Variants in RP1 observed in about 807,000 individuals in gnomAD.
RP1 encodes the protein RP1 axonemal microtubule associated, also known as oxygen-regulated protein 1.
In RP1, 16 loss-of-function variants were observed where a neutral mutation model predicts 14.8. The observed-to-expected ratio is 1.08, with a 90% confidence interval of 0.73 to 1.65. The LOEUF is 1.65. Among genes scored for constraint, RP1 ranks in the 40% most tolerant of loss-of-function variants. The pLI, the probability that RP1 is intolerant of heterozygous loss-of-function variation, is 0.00. For synonymous variants in RP1, 876 were observed against 883.6 expected (o/e 0.99, Z 0.15); for missense variants, 2,631 against 2,535.0 (o/e 1.04, Z -0.81).
chr8:54,779,659 C>T (rs993271004), intron 23 of RP1, among the ~76,000 whole-genome samples: 1 of 152,174 alleles, frequency 6.6e-6, no homozygotes, highest in Non-Finnish European at 1.5e-5. Flanking sequence ...ACCAAAATAA[C>T]TCAACCGTGC....
intron 2 of RP1, 142 bp downstream of exon 2, chr8:54,621,723 G>A (rs1243832473): frequency 3.2e-6 from 4 of 1,238,994 alleles, no homozygotes; most frequent in Non-Finnish European, 4.6e-6. Context: ...GTGCTCCGAT[G>A]CTGCCTTTGT....
intron 1 of RP1, among the ~76,000 whole-genome samples, chr8:54,570,049 A>G (rs1394367561): frequency 1.3e-5 from 2 of 152,166 alleles, no homozygotes; most frequent in African/African-American, 2.4e-5. Flanking sequence ...AAGCTACATC[A>G]CGAGCCCTGT....
chr8:54,648,007 C>T lies in RP1; in HGVS notation c.788-978C>T, dbSNP rs1806583212. Among the ~76,000 whole-genome samples the T allele has an allele frequency of 3.9e-5, 6 of 152,080 alleles. No homozygotes were observed. The South Asian group carries it at 1.2e-3, about 32-fold the overall frequency. Reference sequence around the variant, plus strand: ...GGGATGGTTTCCCCCATGCTATTCTCATGATAGTGAGTTCTCATGAGAGCT... The same window carrying T: ...GGGATGGTTTCCCCCATGCTATTCTTATGATAGTGAGTTCTCATGAGAGCT... On this transcript the variant is annotated intron_variant, in intron 3 of 22. Coordinates refer to the RP1 transcript ENST00000636932.
chr8:54,713,656 C>A (rs1366148373), intron 15 of RP1, among the ~76,000 whole-genome samples: 1 of 152,068 alleles, frequency 6.6e-6, no homozygotes, highest in Non-Finnish European at 1.5e-5. Flanking sequence ...AATATAAAAA[C>A]ACATGAAAGC....
Position 54,629,612 on chromosome 8 carries a change from G to A in RP1, c.5730G>A (p.Leu1910=). The change falls in exon 4 of 4, where the codon CTG becomes CTA. Residue 1910 remains leucine, a synonymous_variant. Transcript: ENST00000220676. ...TLQEADSLDK[L]YALCGQHCPI... is the part of the protein sequence containing the mutation. ...AGGAAGCTGACTCTTTGGATAAACTGTATGCTCTTTGTGGTCAACATTGCC... is the reference window on the plus strand; with the variant it reads ...AGGAAGCTGACTCTTTGGATAAACTATATGCTCTTTGTGGTCAACATTGCC... The A allele has an allele frequency of 6.2e-7, 1 of 1,613,926 alleles. No individual in the cohort carries two copies. The highest frequency in any genetic ancestry group is 8.5e-7 in the Non-Finnish European group (1 of 1,179,986).
chr8:54,712,286 G>A (rs1004580278), intron 15 of RP1, among the ~76,000 whole-genome samples: 5 of 152,146 alleles, frequency 3.3e-5, no homozygotes, highest in South Asian at 2.1e-4. Context: ...CTGGGAGACC[G>A]TCCTGCTTCC....
chr8:54,601,547 A>C (rs151171655), intron 1 of RP1, among the ~76,000 whole-genome samples: 2 of 148,840 alleles, frequency 1.3e-5, no homozygotes, highest in African/African-American at 5.0e-5. Flanking sequence ...CATTGTGCAC[A>C]TGTATCCTAA....
At chr8:54,588,604 G>A (rs1017512190) in intron 1 of RP1, among the ~76,000 whole-genome samples, 5 of 152,180 alleles carry the variant, frequency 3.3e-5, no homozygotes, top group African/African-American at 9.7e-5. Context: ...TATAATCATC[G>A]TGTCAGGTCA....
At chr8:54,646,421 G>A (rs997227819) in intron 3 of RP1, among the ~76,000 whole-genome samples, 3 of 151,916 alleles carry the variant, frequency 2.0e-5, no homozygotes, top group Non-Finnish European at 4.4e-5. Flanking sequence ...CTCTTTTGGT[G>A]TGTTGGCCTA....
chr8:54,706,794 G>GGCA, intron 15 of RP1: 1 of 829,018 alleles, frequency 1.2e-6, no homozygotes, highest in Admixed American at 2.3e-5. Flanking sequence ...TTTTTAATAA[G>GGCA]TGAGGAGAGC....
At chr8:54,766,439 T>C (rs1359859343) in intron 22 of RP1, among the ~76,000 whole-genome samples, 2 of 152,188 alleles carry the variant, frequency 1.3e-5, no homozygotes, top group African/African-American at 4.8e-5. Flanking sequence ...TGCAGATTTC[T>C]GTGCTCTTCT....
intron 23 of RP1, among the ~76,000 whole-genome samples, chr8:54,781,855 C>T (rs780777913): frequency 2.0e-5 from 3 of 152,116 alleles, no homozygotes; most frequent in Admixed American, 6.6e-5. Context: ...GTCATCGTGA[C>T]ATGCTAATTC....
intron 12 of RP1, chr8:54,697,112 A>T (rs978888306): frequency 6.6e-7 from 1 of 1,506,112 alleles, no homozygotes; most frequent in Non-Finnish European, 9.1e-7. Flanking sequence ...TGAACGCATC[A>T]ATCAGCTCAT....
chr8:54,607,320 G>T (rs1805474703), intron 1 of RP1, among the ~76,000 whole-genome samples: 1 of 152,162 alleles, frequency 6.6e-6, no homozygotes, highest in South Asian at 2.1e-4. Flanking sequence ...TCCAGACCCT[G>T]TTTGCCTGGG....
chr8:54,811,849 A>T (rs1811002549), intron 24 of RP1, among the ~76,000 whole-genome samples: 1 of 152,252 alleles, frequency 6.6e-6, no homozygotes, highest in Non-Finnish European at 1.5e-5. Flanking sequence ...CTGAAAGCTC[A>T]CTTACCGCAT....
rs761825453 is a variant in RP1 at position 54,628,797 on chromosome 8, G to A, written c.4915G>A (p.Ala1639Thr). Residue 1639 changes from alanine (A) to threonine (T), a missense_variant, in exon 4 of 4, where the codon GCA (alanine) becomes ACA (threonine). Ala to Thr is a moderately conservative substitution (Grantham distance 58). Coordinates refer to ENST00000220676, the MANE Select transcript of RP1 (RefSeq NM_006269.2). Reference sequence around the variant, plus strand: ...GGCAATAGAAAAACTGTACGGTAAAGCAGATATTATCAAACCATCTTTTTT... The same window carrying A: ...GGCAATAGAAAAACTGTACGGTAAAACAGATATTATCAAACCATCTTTTTT... The part of the protein sequence containing the change: ...KRAIEKLYGK[A>T]DIIKPSFFPG... The A allele has an allele frequency of 6.2e-7, 1 of 1,613,978 alleles. No homozygotes were observed. The highest frequency in any genetic ancestry group is 2.2e-5 in the East Asian group (1 of 44,896).
chr8:54,794,352 A>G (rs1008923062), intron 24 of RP1, among the ~76,000 whole-genome samples: 1 of 151,678 alleles, frequency 6.6e-6, no homozygotes, highest in African/African-American at 2.4e-5. Flanking sequence ...TTTTTATTTT[A>G]TTGGCATAAA....
intron 27 of RP1, among the ~76,000 whole-genome samples, chr8:54,859,332 CACTGTAGGGT>C (rs1448509676): frequency 1.9e-5 from 2 of 107,532 alleles, no homozygotes; most frequent in Non-Finnish European, 3.8e-5. Context: ...TAGGTGGTGT[CACTGTAGGGT>C]GGTGTCCCTG....
intron 17 of RP1, among the ~76,000 whole-genome samples, chr8:54,731,422 A>G (rs1468222887): frequency 6.6e-6 from 1 of 152,154 alleles, no homozygotes; most frequent in Non-Finnish European, 1.5e-5. Flanking sequence ...AGAGTATTTT[A>G]AACTTCTGGT....
Sources: allele counts gnomAD v4.1 joint callset (sites outside exome capture counted in the v4.1 genomes callset), GRCh38; gene constraint gnomAD v4.1.1; transcripts MANE v1.5; gene names NCBI Gene and HGNC (gene_info 2026-07-23, HGNC 2026-07-21).